CFAP97D2: variants seen among roughly 807,000 people sequenced by gnomAD.
CFAP97D2 encodes the protein CFAP97 domain containing 2, also known as uncharacterized protein CFAP97D2.
At chr13:114,202,145 G>A (rs117559617) in intron 3 of CFAP97D2, among the ~76,000 whole-genome samples, 180 of 152,340 alleles carry the variant, frequency 1.2e-3, no homozygotes, top group Non-Finnish European at 2.1e-3. Context: ...TTAGCATAAC[G>A]TTGAGTAGTG....
intron 2 of CFAP97D2, among the ~76,000 whole-genome samples, chr13:114,197,609 C>T (rs1295497331): frequency 1.3e-5 from 2 of 151,968 alleles, no homozygotes; most frequent in African/African-American, 4.8e-5. Flanking sequence ...ACAATTTATT[C>T]AGTGCAGTTC....
intron 2 of CFAP97D2, among the ~76,000 whole-genome samples, chr13:114,197,857 G>C (rs1471765650): frequency 6.6e-6 from 1 of 152,032 alleles, no homozygotes; most frequent in Non-Finnish European, 1.5e-5. Context: ...GCTAATTTTC[G>C]TGTTTTTAGT....
At chr13:114,181,342 C>T (rs1205485321) in intron 1 of CFAP97D2, among the ~76,000 whole-genome samples, 3 of 152,148 alleles carry the variant, frequency 2.0e-5, no homozygotes, top group Non-Finnish European at 4.4e-5. Flanking sequence ...GCCTGGGTGT[C>T]CTGGCAGGGG....
Position 114,201,775 on chromosome 13 carries a change from A to G in CFAP97D2, c.290+1332A>G, listed in dbSNP as rs370600241. ...GCACTGCAGACCAGTTGGTTGATGGAATAAACATATCTAGCTAGCTGGTCA... is the reference window on the plus strand; with the variant it reads ...GCACTGCAGACCAGTTGGTTGATGGGATAAACATATCTAGCTAGCTGGTCA... On this transcript the variant is annotated intron_variant, in intron 3 of 4. Transcript: ENST00000646158. 4.6e-5 allele frequency among the ~76,000 whole-genome samples: 7 copies of G among 152,346 alleles called. No homozygotes were observed. The South Asian group carries it at 8.3e-4, about 18-fold the overall frequency.
intron 1 of CFAP97D2, among the ~76,000 whole-genome samples, chr13:114,182,311 A>G (rs1594512329): frequency 1.3e-5 from 2 of 152,252 alleles, no homozygotes; most frequent in South Asian, 2.1e-4. Context: ...TACTGCAAAC[A>G]TGTCTCGCCT....
At chr13:114,194,598 C>A (rs1197984442) in intron 1 of CFAP97D2, among the ~76,000 whole-genome samples, 2 of 152,120 alleles carry the variant, frequency 1.3e-5, no homozygotes, top group Non-Finnish European at 1.5e-5. Flanking sequence ...TCATTTCCCC[C>A]CCAAGAGCAT....
chr13:114,215,580 A>T (rs2080989728), intron 4 of CFAP97D2: 1 of 152,194 alleles, frequency 6.6e-6, no homozygotes, highest in African/African-American at 2.4e-5. Context: ...TAACTATGGA[A>T]TTTTTGTGTA....
chr13:114,193,544 A>T (rs535482016), intron 1 of CFAP97D2, among the ~76,000 whole-genome samples: 93 of 152,316 alleles, frequency 6.1e-4, no homozygotes, highest in Non-Finnish European at 1.0e-3. Flanking sequence ...GTAGCAGAAG[A>T]GCATGAGAGA....
chr13:114,182,507 T>A (rs180694851), intron 1 of CFAP97D2, among the ~76,000 whole-genome samples: 2 of 148,614 alleles, frequency 1.3e-5, no homozygotes, highest in Non-Finnish European at 3.0e-5. Context: ...CGGGCTGGGG[T>A]ACAGTCAGGT....
chr13:114,218,035 G>A (rs372308511), intron 4 of CFAP97D2, among the ~76,000 whole-genome samples: 2,114 of 152,254 alleles, frequency 0.014, 27 homozygotes, highest in Middle Eastern at 0.061. Flanking sequence ...GGGCAATCAG[G>A]CAGGAGAAAG....
chr13:114,213,074 C>T (rs1162086539), intron 4 of CFAP97D2, among the ~76,000 whole-genome samples: 1 of 152,124 alleles, frequency 6.6e-6, no homozygotes, highest in Non-Finnish European at 1.5e-5. Flanking sequence ...TAATATACTG[C>T]TTATAAATAT....
intron 4 of CFAP97D2, among the ~76,000 whole-genome samples, chr13:114,216,007 A>G (rs1274249222): frequency 3.3e-5 from 5 of 152,178 alleles, no homozygotes; most frequent in South Asian, 2.1e-4. Flanking sequence ...AATCCCGCAC[A>G]TGTCTTGTTT....
At chr13:114,198,946 T>G (rs188866807) in intron 2 of CFAP97D2, among the ~76,000 whole-genome samples, 34 of 11,292 alleles carry the variant, frequency 3.0e-3, no homozygotes, top group East Asian at 5.3e-3. Flanking sequence ...CCCGCTGAGG[T>G]GTGATGGCGC....
chr13:114,222,558 G>A (rs2081026075), downstream of CFAP97D2: 1 of 390,172 alleles, frequency 2.6e-6, no homozygotes, highest in Non-Finnish European at 4.5e-6. The surrounding 1 kb of genome is among the most constrained non-coding windows in gnomAD (Gnocchi z 4.4). Flanking sequence ...AGAGAAGTGA[G>A]GAAGGGTAAG....
intron 3 of CFAP97D2, among the ~76,000 whole-genome samples, chr13:114,201,121 A>G (rs1326468256): frequency 6.6e-6 from 1 of 152,216 alleles, no homozygotes; most frequent in Non-Finnish European, 1.5e-5. Flanking sequence ...AAATCACCTT[A>G]TAAATGCTTG....
chr13:114,211,552 C>T lies in CFAP97D2; in HGVS notation c.291-360C>T, dbSNP rs2080966491. Among the ~76,000 whole-genome samples, 1 of 150,784 alleles carries T rather than the reference C, an allele frequency of 6.6e-6. No individual in the cohort carries two copies. The highest frequency in any genetic ancestry group is 2.5e-5 in the African/African-American group (1 of 40,568). On this transcript the variant is annotated intron_variant, in intron 3 of 4. Coordinates refer to ENST00000646158, the Ensembl canonical transcript of CFAP97D2. The surrounding 1 kb of genome is among the most constrained non-coding windows in gnomAD (Gnocchi z 4.2). Reference sequence around the variant, plus strand: ...TCCGCCATGGGTGCCCGGGTGCTCGCCCTCCCTGCCTGGGACCCCACTCTC... The same window carrying T: ...TCCGCCATGGGTGCCCGGGTGCTCGTCCTCCCTGCCTGGGACCCCACTCTC...
chr13:114,182,166 A>AC (rs2080835732), intron 1 of CFAP97D2, among the ~76,000 whole-genome samples: 1 of 134,614 alleles, frequency 7.4e-6, no homozygotes, highest in African/African-American at 2.9e-5. Context: ...GAAGGTCAGC[A>AC]AAAAACGTGA....
At chr13:114,201,155 T>A (rs2080916402) in intron 3 of CFAP97D2, among the ~76,000 whole-genome samples, 1 of 152,222 alleles carries the variant, frequency 6.6e-6, no homozygotes, top group African/African-American at 2.4e-5. Context: ...AAAGCCTCTC[T>A]TGTCTAAGGT....
intron 4 of CFAP97D2, among the ~76,000 whole-genome samples, chr13:114,219,393 G>A (rs1414703700): frequency 6.6e-6 from 1 of 151,968 alleles, no homozygotes; most frequent in East Asian, 1.9e-4. Flanking sequence ...ATACTATTGA[G>A]TTTTTCCTCA....
Sources: gnomAD v4.1 joint callset for allele counts (sites outside exome capture counted in the v4.1 genomes callset) on GRCh38, gnomAD v4.1.1 for gene constraint, Gnocchi (gnomAD v3.1) non-coding constraint, MANE v1.5 for transcripts, NCBI Gene and HGNC (gene_info 2026-07-23, HGNC 2026-07-21) for gene names.